Variants in SOX5 observed in about 807,000 individuals in gnomAD.
SOX5 encodes the protein transcription factor SOX-5.
SOX5 carries 9 observed loss-of-function variants against 92.0 expected under a neutral mutation model. The ratio of observed to expected loss-of-function variants is 0.10; its 90% CI spans 0.06 to 0.17. The LOEUF is 0.17. Among genes scored for constraint, SOX5 ranks in the 10% least tolerant of loss-of-function variants. The probability of loss-of-function intolerance (pLI) is 1.00; values close to 1 mark genes in which losing one functional copy is unlikely to be tolerated. For missense variants in SOX5, 642 were observed against 944.5 expected (o/e 0.68, Z 4.20); for synonymous variants, 344 against 336.3 (o/e 1.02, Z -0.25).
rs1391132741 is a variant in SOX5, at chr12:23,577,193, T to TATATATA, written c.1165-1356_1165-1355insTATATAT. On this transcript the variant is annotated intron_variant, in intron 9 of 14. Transcript: ENST00000451604. ...CACACACACATATATATATATATAT[T>TATATATA]TTTTTTTTTTTTTTTTTTTGAGATG... Among the ~76,000 whole-genome samples, 400 of 53,440 alleles carry TATATATA rather than the reference T, an allele frequency of 7.5e-3. 3 individuals carry two copies. Among genetic ancestry groups the TATATATA allele is most frequent in the Middle Eastern group, 0.011 (1 of 88 alleles). The allele number at this position is 53,440 out of a possible 152,430, so 35.1% of individuals were successfully genotyped here.
chr12:23,771,317 G>A (rs1233446611), intron 3 of SOX5, among the ~76,000 whole-genome samples: 2 of 152,044 alleles, frequency 1.3e-5, no homozygotes, highest in African/African-American at 2.4e-5. Context: ...TGCAAAGGAG[G>A]GGAGTACCAG....
At chr12:23,656,666 C>A (rs192966117) in intron 7 of SOX5, among the ~76,000 whole-genome samples, 4 of 151,902 alleles carry the variant, frequency 2.6e-5, no homozygotes, top group African/African-American at 7.2e-5. Flanking sequence ...ATATGATATA[C>A]AGTACATATC....
intron 1 of SOX5, among the ~76,000 whole-genome samples, chr12:24,487,111 T>C (rs1307162459): frequency 6.6e-6 from 1 of 152,220 alleles, no homozygotes; most frequent in African/African-American, 2.4e-5. Flanking sequence ...GCCAGTGTTC[T>C]CTGTCTCTAA....
In SOX5 at chr12:23,790,548, T is replaced by TCACACACA. The variant is rs941547453; in HGVS notation, c.482-34832_482-34825dup. Among the ~76,000 whole-genome samples the TCACACACA allele has an allele frequency of 1.2e-3, 164 of 137,386 alleles. 1 individual carries two copies. Among genetic ancestry groups the TCACACACA allele is most frequent in the African/African-American group, 4.1e-3 (146 of 36,004 alleles). The allele number at this position is 137,386 out of a possible 152,430, so 90.1% of individuals were successfully genotyped here. ...CTCTCTCTCTCTCTCTCTCAATCTC[T>TCACACACA]CACACACACACACACACACACACAC... On this transcript the variant is annotated intron_variant, in intron 3 of 14. Transcript: ENST00000451604.
At chr12:24,091,569 A>G (rs1378839445) in intron 4 of SOX5, among the ~76,000 whole-genome samples, 1 of 151,592 alleles carries the variant, frequency 6.6e-6, no homozygotes, top group Non-Finnish European at 1.5e-5. Context: ...AGCTGGGATT[A>G]CAGGCACACA....
At chr12:23,897,372 A>T (rs1450109061) in intron 1 of SOX5, among the ~76,000 whole-genome samples, 2 of 152,156 alleles carry the variant, frequency 1.3e-5, no homozygotes, top group African/African-American at 2.4e-5. Context: ...AGAAAAAAAT[A>T]AGGGCTTTAG....
At chr12:23,995,217 G>A (rs1053726171) in intron 4 of SOX5, among the ~76,000 whole-genome samples, 10 of 152,124 alleles carry the variant, frequency 6.6e-5, no homozygotes, top group African/African-American at 1.7e-4. Flanking sequence ...TAAATGAAAC[G>A]GAGGATGTGA....
intron 2 of SOX5, among the ~76,000 whole-genome samples, chr12:24,287,524 C>T (rs957882359): frequency 5.3e-5 from 8 of 151,242 alleles, no homozygotes; most frequent in African/African-American, 1.9e-4. Context: ...CCATGGCAAC[C>T]CAGAAGAACA....
At chr12:24,342,254 C>A (rs1014079387) in intron 2 of SOX5, among the ~76,000 whole-genome samples, 13 of 152,180 alleles carry the variant, frequency 8.5e-5, no homozygotes, top group African/African-American at 2.9e-4. Context: ...ACTCCTGATG[C>A]TCTTCTTTTC....
intron 4 of SOX5, among the ~76,000 whole-genome samples, chr12:23,997,126 T>C (rs148434349): frequency 2.0e-5 from 3 of 151,910 alleles, no homozygotes; most frequent in East Asian, 1.9e-4. Flanking sequence ...TAGAAAAAAA[T>C]AGTGAAATAT....
At chr12:24,171,213 TTTTG>T (rs1214413475) in intron 4 of SOX5, among the ~76,000 whole-genome samples, 6 of 35,854 alleles carry the variant, frequency 1.7e-4, no homozygotes, top group Non-Finnish European at 2.2e-4. Context: ...CAACAGTTTT[TTTTG>T]TTTGTTTGTT....
At chr12:23,587,392 T>G (rs1481519066) in intron 9 of SOX5, among the ~76,000 whole-genome samples, 1 of 152,124 alleles carries the variant, frequency 6.6e-6, no homozygotes, top group Non-Finnish European at 1.5e-5. Flanking sequence ...TGAACCCAAG[T>G]CATAAAGGTG....
intron 4 of SOX5, among the ~76,000 whole-genome samples, chr12:23,965,418 A>T (rs1947438805): frequency 6.6e-6 from 1 of 152,118 alleles, no homozygotes; most frequent in South Asian, 2.1e-4. Flanking sequence ...CAGCCACCAC[A>T]GTTAGATGGG....
chr12:24,310,739 A>T lies in SOX5; in HGVS notation c.-173-33427T>A, dbSNP rs74681947. 4.2e-3 allele frequency among the ~76,000 whole-genome samples: 634 copies of T among 152,334 alleles called. 25 individuals are homozygous for T. The South Asian group carries it at 0.063, about 15-fold the overall frequency. ...TTAAAAGAAGTGAATTCCATTTGCAAATAACTCAGTATGGTCAAGTCATAT... is the reference window on the plus strand; with the variant it reads ...TTAAAAGAAGTGAATTCCATTTGCATATAACTCAGTATGGTCAAGTCATAT... On this transcript the variant is annotated intron_variant, in intron 2 of 4. Transcript: ENST00000446891.
intron 1 of SOX5, among the ~76,000 whole-genome samples, chr12:24,404,426 A>G (rs1962458101): frequency 6.6e-6 from 1 of 152,178 alleles, no homozygotes; most frequent in South Asian, 2.1e-4. Context: ...TTCATTTTCT[A>G]GCCAATGGTA....
chr12:23,801,625 C>T (rs2095660488), intron 3 of SOX5, among the ~76,000 whole-genome samples: 1 of 152,012 alleles, frequency 6.6e-6, no homozygotes, highest in African/African-American at 2.4e-5. Context: ...TTCTTTTTAG[C>T]AAAGCATGTA....
chr12:24,078,365 G>C (rs1942910924), intron 4 of SOX5, among the ~76,000 whole-genome samples: 1 of 152,030 alleles, frequency 6.6e-6, no homozygotes, highest in Non-Finnish European at 1.5e-5. Context: ...GTTTGTTGTG[G>C]CTTTTGAATA....
At chr12:23,814,206 G>A (rs2095938096) in intron 3 of SOX5, among the ~76,000 whole-genome samples, 1 of 152,108 alleles carries the variant, frequency 6.6e-6, no homozygotes, top group Non-Finnish European at 1.5e-5. Context: ...TATATCCCCT[G>A]TGGAATTAAA....
chr12:23,762,523 A>G lies in SOX5; in HGVS notation c.482-6799T>C, dbSNP rs566380177. On this transcript the variant is annotated intron_variant, in intron 3 of 14. Transcript: ENST00000451604. ...TTTATATGTGATTGTCCTGAAGTGAATTAAACACTGGAAATACTTTACGTT... is the reference window on the plus strand; with the variant it reads ...TTTATATGTGATTGTCCTGAAGTGAGTTAAACACTGGAAATACTTTACGTT... 3.8e-3 allele frequency: 1,862 copies of G among 492,334 alleles called. 5 individuals carry two copies. Among genetic ancestry groups the G allele is most frequent in the Non-Finnish European group, 3.9e-3 (1,085 of 278,726 alleles). 30.5% of individuals were successfully genotyped at this position (492,334 alleles called of 1,614,324 possible). A position where few individuals can be genotyped will look rare whatever the true frequency, so the allele number is the denominator to read the frequency against.
Sources: gnomAD v4.1 joint callset for allele counts (sites outside exome capture counted in the v4.1 genomes callset) on GRCh38, gnomAD v4.1.1 for gene constraint, MANE v1.5 for transcripts, NCBI Gene and HGNC (gene_info 2026-07-23, HGNC 2026-07-21) for gene names.